CTNND2: variants seen among roughly 807,000 people sequenced by gnomAD.
CTNND2 encodes the protein catenin delta 2, also known as catenin delta-2.
Under a neutral mutation model 144.4 loss-of-function variants are expected in CTNND2, and 22 were observed. The observed-to-expected ratio is 0.15, with a 90% CI of 0.11 to 0.22. CTNND2 has a LOEUF of 0.22. Among genes scored for constraint, CTNND2 ranks in the 10% least tolerant of loss-of-function variants. The probability of loss-of-function intolerance (pLI) is 1.00; values close to 1 mark genes in which losing one functional copy is unlikely to be tolerated. For missense variants in CTNND2, 1,353 were observed against 1,618.8 expected, an observed-to-expected ratio of 0.84 and a Z score of 2.82; for synonymous variants, 751 against 695.6, an observed-to-expected ratio of 1.08 and a Z score of -1.25.
intron 2 of CTNND2, among the ~76,000 whole-genome samples, chr5:11,597,581 T>G (rs1030589470): frequency 6.6e-6 from 1 of 152,156 alleles, no homozygotes; most frequent in Non-Finnish European, 1.5e-5. Context: ...TTAGGGAATA[T>G]TCTTTTTTTT....
intron 5 of CTNND2, among the ~76,000 whole-genome samples, chr5:11,407,791 C>T (rs1227410145): frequency 6.6e-6 from 1 of 152,136 alleles, no homozygotes; most frequent in Non-Finnish European, 1.5e-5. Context: ...TGGGCTTTTC[C>T]TAATTAGATG....
At chr5:11,102,449 G>T (rs1751991793) in intron 14 of CTNND2, among the ~76,000 whole-genome samples, 1 of 152,198 alleles carries the variant, frequency 6.6e-6, no homozygotes, top group South Asian at 2.1e-4. Context: ...TTAGAGCTCT[G>T]TTGGAGACAG....
chr5:11,540,835 T>C (rs1346038835), intron 3 of CTNND2, among the ~76,000 whole-genome samples: 1 of 152,160 alleles, frequency 6.6e-6, no homozygotes, highest in South Asian at 2.1e-4. Context: ...ATGGAAATAA[T>C]AAGGGTTTAT....
chr5:11,335,050 C>T (rs1025170992), intron 9 of CTNND2, among the ~76,000 whole-genome samples: 2 of 152,172 alleles, frequency 1.3e-5, no homozygotes, highest in African/African-American at 4.8e-5. Context: ...TTCCTCCTTT[C>T]CTCCTCCTTC....
intron 3 of CTNND2, among the ~76,000 whole-genome samples, chr5:11,414,098 G>T (rs956663340): frequency 1.3e-5 from 2 of 152,250 alleles, no homozygotes; most frequent in African/African-American, 4.8e-5. Context: ...AGACAAAAAT[G>T]GAGAAGGGCA....
chr5:11,192,053 T>C (rs947419093), intron 11 of CTNND2, among the ~76,000 whole-genome samples: 5 of 152,204 alleles, frequency 3.3e-5, no homozygotes, highest in African/African-American at 1.2e-4. Flanking sequence ...TCTACAGTGC[T>C]TCTGCCTCCC....
chr5:11,451,361 C>T (rs889499920), intron 3 of CTNND2, among the ~76,000 whole-genome samples: 3 of 152,120 alleles, frequency 2.0e-5, no homozygotes, highest in African/African-American at 7.2e-5. Flanking sequence ...TAAAACCAAA[C>T]CAACCACAAT....
chr5:11,601,820 T>C (rs1249388755), intron 2 of CTNND2, among the ~76,000 whole-genome samples: 1 of 152,168 alleles, frequency 6.6e-6, no homozygotes, highest in Non-Finnish European at 1.5e-5. Context: ...ATTACCAAGC[T>C]AATTACTGAA....
chr5:11,217,718 A>C (rs543537825), intron 10 of CTNND2, among the ~76,000 whole-genome samples: 5 of 152,302 alleles, frequency 3.3e-5, no homozygotes, highest in African/African-American at 1.2e-4. Context: ...AGCATTCTCT[A>C]CCAGTGCCTA....
At chr5:11,417,787 G>C (rs1035800140) in intron 3 of CTNND2, among the ~76,000 whole-genome samples, 10 of 152,134 alleles carry the variant, frequency 6.6e-5, no homozygotes, top group Non-Finnish European at 2.9e-5. Flanking sequence ...CAGGAATTTT[G>C]CTTCTATGTA....
In CTNND2 at chr5:11,789,064, G is replaced by A. The variant is rs189887664; in HGVS notation, c.38-56792C>T. On this transcript the variant is annotated intron_variant, in intron 1 of 21. Coordinates refer to ENST00000304623, the MANE Select transcript of CTNND2 (RefSeq NM_001332.4). ...GAATGGCGATCATTAAAAAGTCAGG[G>A]AACAACAGGTGCTGGAGAGGATGTG... 4.5e-3 allele frequency among the ~76,000 whole-genome samples: 681 copies of A among 152,132 alleles called. 9 individuals are homozygous for A. Among genetic ancestry groups the A allele is most frequent in the African/African-American group, 0.016 (658 of 41,508 alleles).
At chr5:11,114,351 A>G (rs1440502761) in intron 13 of CTNND2, among the ~76,000 whole-genome samples, 6 of 152,080 alleles carry the variant, frequency 3.9e-5, no homozygotes, top group African/African-American at 1.4e-4. Context: ...AAGAAGCTAG[A>G]AGAAGAAGAG....
intron 3 of CTNND2, among the ~76,000 whole-genome samples, chr5:11,504,589 T>C (rs1304450237): frequency 1.3e-5 from 2 of 152,084 alleles, no homozygotes; most frequent in Admixed American, 6.5e-5. Flanking sequence ...GGGGCCAAGA[T>C]GGTTGGGGCC....
chr5:11,591,259 T>C (rs1163897322), intron 2 of CTNND2, among the ~76,000 whole-genome samples: 1 of 152,144 alleles, frequency 6.6e-6, no homozygotes, highest in Admixed American at 6.5e-5. Context: ...GGGATCACAC[T>C]TTTCCTCACT....
intron 9 of CTNND2, among the ~76,000 whole-genome samples, chr5:11,242,032 G>A (rs1242996545): frequency 6.6e-6 from 1 of 152,052 alleles, no homozygotes; most frequent in East Asian, 1.9e-4. Flanking sequence ...TGGGAACAGG[G>A]GGAGTTGGAG....
At chr5:11,271,695 T>C (rs923620165) in intron 9 of CTNND2, among the ~76,000 whole-genome samples, 3 of 152,196 alleles carry the variant, frequency 2.0e-5, no homozygotes, top group African/African-American at 7.2e-5. Context: ...AAGGATTATG[T>C]TGTACCTTTA....
chr5:11,347,395 A>C (rs1302639216), intron 8 of CTNND2, among the ~76,000 whole-genome samples: 1 of 152,252 alleles, frequency 6.6e-6, no homozygotes, highest in African/African-American at 2.4e-5. Flanking sequence ...TGTTTTGAGA[A>C]GATTTTACAC....
At chr5:11,039,294 C>G (rs1448569944) in intron 16 of CTNND2, among the ~76,000 whole-genome samples, 1 of 152,222 alleles carries the variant, frequency 6.6e-6, no homozygotes, top group Admixed American at 6.5e-5. Context: ...CCTTACAAAC[C>G]AAGGTAATTT....
intron 2 of CTNND2, among the ~76,000 whole-genome samples, chr5:11,712,268 G>C (rs1786077646): frequency 6.6e-6 from 1 of 152,048 alleles, no homozygotes; most frequent in South Asian, 2.1e-4. Flanking sequence ...CAGGGTCTCT[G>C]AGCTAACACA....
Sources: allele counts gnomAD v4.1 joint callset (sites outside exome capture counted in the v4.1 genomes callset), GRCh38; gene constraint gnomAD v4.1.1; transcripts MANE v1.5; gene names NCBI Gene and HGNC (gene_info 2026-07-23, HGNC 2026-07-21).